The following ADAM10 variants were observed in gnomAD, a reference collection of about 807,000 sequenced individuals.
ADAM10 encodes the protein disintegrin and metalloproteinase domain-containing protein 10.
Under a neutral mutation model 90.1 loss-of-function variants are expected in ADAM10, and 17 were observed. The observed-to-expected ratio is 0.19, with a 90% confidence interval of 0.13 to 0.28. The LOEUF is 0.28. Ranked by LOEUF, ADAM10 falls within the 10% of genes least tolerant of loss-of-function variation. ADAM10 has a pLI of 1.00. For synonymous variants in ADAM10, 310 were observed against 298.6 expected (o/e 1.04, Z -0.40); for missense variants, 610 against 914.3 (o/e 0.67, Z 4.29).
At chr15:58,708,157 T>G (rs1321877251) in intron 2 of ADAM10, among the ~76,000 whole-genome samples, 1 of 152,136 alleles carries the variant, frequency 6.6e-6, no homozygotes, top group Non-Finnish European at 1.5e-5. Context: ...TGTTCAGGTA[T>G]CTAATGTAAA....
chr15:58,693,603 T>G (rs1196488134), intron 2 of ADAM10, among the ~76,000 whole-genome samples: 1 of 152,140 alleles, frequency 6.6e-6, no homozygotes, highest in Non-Finnish European at 1.5e-5. Context: ...AATACAGACT[T>G]ACATGTAAAA....
chr15:58,593,365 C>A lies in ADAM10; in HGVS notation c.*4182G>T, dbSNP rs896868056. 6.6e-6 allele frequency: 1 copy of A among 151,894 alleles called. No homozygotes were observed. The highest frequency in any genetic ancestry group is 1.5e-5 in the Non-Finnish European group (1 of 68,038). The allele number at this position is 151,894 out of a possible 1,614,324, so 9.4% of individuals were successfully genotyped here. A position where few individuals can be genotyped will look rare whatever the true frequency, so the allele number is the denominator to read the frequency against. On this transcript the variant is annotated 3_prime_UTR_variant, in exon 16 of 16. Coordinates refer to ENST00000260408, the MANE Select transcript of ADAM10 (RefSeq NM_001110.4). ...TAGCTGGGATTACAAGCATGTGCCA[C>A]CACGCCCAGCTGTATTTTTAGTAGA...
chr15:58,741,136 G>A (rs1320352734), intron 1 of ADAM10, among the ~76,000 whole-genome samples: 1 of 152,128 alleles, frequency 6.6e-6, no homozygotes, highest in South Asian at 2.1e-4. Flanking sequence ...CGTGTGTCCT[G>A]CCATCATCAA....
chr15:58,746,676 C>T (rs1407622316), intron 1 of ADAM10, among the ~76,000 whole-genome samples: 1 of 152,106 alleles, frequency 6.6e-6, no homozygotes, highest in Non-Finnish European at 1.5e-5. Context: ...TTTGGGAAGC[C>T]AAGGTAGGTG....
At position 58,679,078 on chromosome 15, in the gene ADAM10, C is replaced by T. The variant is rs561641002; in HGVS notation, c.484+46G>A. 2.6e-6 allele frequency: 4 copies of T among 1,550,244 alleles called. No individual in the cohort carries two copies. In the South Asian group the frequency reaches 3.4e-5, roughly 13 times the overall value. On this transcript the variant is annotated intron_variant, in intron 4 of 15. Coordinates refer to ENST00000260408, the MANE Select transcript of ADAM10 (RefSeq NM_001110.4). ...TTTGTCTCCACACAGTTTTAACTAT[C>T]ATATGCCTTTTGAAAAAGGCTACTT...
rs71938417 is a variant in ADAM10 at position 58,713,971 on chromosome 15, ATTGT to A, written c.206+3602_206+3605del. Among the ~76,000 whole-genome samples the A allele has an allele frequency of 5.4e-3, 814 of 151,914 alleles. 8 individuals are homozygous for A. Among genetic ancestry groups the A allele is most frequent in the African/African-American group, 0.018 (739 of 41,418 alleles). ...GGGACTACAGGCGCATGCCCAGCTAATTGTTTGTATTTTTAGTAGAGACGGGGTT... is the reference window on the plus strand; with the variant it reads ...GGGACTACAGGCGCATGCCCAGCTAATTGTATTTTTAGTAGAGACGGGGTT... On this transcript the variant is annotated intron_variant, in intron 2 of 15. Coordinates refer to ENST00000260408, the MANE Select transcript of ADAM10 (RefSeq NM_001110.4).
intron 2 of ADAM10, among the ~76,000 whole-genome samples, chr15:58,684,723 A>G (rs1596065252): frequency 1.3e-5 from 2 of 152,238 alleles, no homozygotes; most frequent in East Asian, 3.8e-4. Context: ...CCAGGTTAAC[A>G]AATTATCTAA....
At chr15:58,695,751 G>T (rs1285303610) in intron 2 of ADAM10, among the ~76,000 whole-genome samples, 3 of 152,150 alleles carry the variant, frequency 2.0e-5, no homozygotes, top group Non-Finnish European at 4.4e-5. Context: ...GGAGGCTGAG[G>T]CGGATAGATA....
chr15:58,644,912 G>A (rs1467548301), intron 6 of ADAM10, among the ~76,000 whole-genome samples: 2 of 152,176 alleles, frequency 1.3e-5, no homozygotes, highest in African/African-American at 4.8e-5. Flanking sequence ...TTCAGATTTT[G>A]CTAAATTCTA....
intron 11 of ADAM10, among the ~76,000 whole-genome samples, chr15:58,614,472 A>G (rs909677292): frequency 2.0e-5 from 3 of 152,232 alleles, no homozygotes; most frequent in African/African-American, 7.2e-5. Context: ...CTATTAGACT[A>G]GCAGCAGATT....
chr15:58,698,591 AGAT>A (rs759091335), intron 2 of ADAM10, among the ~76,000 whole-genome samples: 1 of 145,730 alleles, frequency 6.9e-6, no homozygotes, highest in South Asian at 2.2e-4. Flanking sequence ...AAAAAAAAAA[AGAT>A]AGACAGATAT....
intron 8 of ADAM10, among the ~76,000 whole-genome samples, chr15:58,638,188 G>A (rs1456334137): frequency 4.6e-5 from 7 of 151,952 alleles, no homozygotes; most frequent in Non-Finnish European, 7.4e-5. Context: ...TAATGGAAGC[G>A]GACATCTAAT....
Position 58,679,198 on chromosome 15 carries a change from A to G in ADAM10, c.410T>C (p.Val137Ala). Residue 137 changes from valine (V) to alanine (A), a missense_variant, in exon 4 of 16, where the codon GTT becomes GCT. By Grantham distance (64) the Val-to-Ala change is moderately conservative (BLOSUM62 0). Around this residue, in one of 4 missense-constraint regions of ADAM10, gnomAD observed 310 missense variants for 362.4 expected, o/e 0.86. Coordinates refer to ENST00000260408, the MANE Select transcript of ADAM10 (RefSeq NM_001110.4). ...FIQTRGGTFYVEPAERYIKDR... is the reference protein window; with the variant it reads ...FIQTRGGTFYAEPAERYIKDR... ...TTTAATATATCTCTCTGCTGGCTCA[A>G]CATAAAATGTGCCACCACGAGTCTG... The G allele has an allele frequency of 6.2e-7, 1 of 1,614,088 alleles. No homozygotes were observed. The highest frequency in any genetic ancestry group is 8.5e-7 in the Non-Finnish European group (1 of 1,179,978).
intron 11 of ADAM10, among the ~76,000 whole-genome samples, chr15:58,616,737 G>T (rs1264702337): frequency 6.6e-6 from 1 of 151,948 alleles, no homozygotes; most frequent in Non-Finnish European, 1.5e-5. Context: ...AAGCAAGAAC[G>T]AACCAAACCC....
At chr15:58,652,206 CTT>C (rs1403656537) in intron 5 of ADAM10, among the ~76,000 whole-genome samples, 6 of 152,170 alleles carry the variant, frequency 3.9e-5, no homozygotes, top group African/African-American at 1.4e-4. Flanking sequence ...TGTCTCCCCA[CTT>C]TGTTAATCGT....
At chr15:58,677,721 T>G (rs1156880465) in intron 4 of ADAM10, among the ~76,000 whole-genome samples, 1 of 152,200 alleles carries the variant, frequency 6.6e-6, no homozygotes, top group Non-Finnish European at 1.5e-5. Context: ...AGATTACGCT[T>G]TTCCTCTCCT....
At chr15:58,710,413 T>C (rs1477933747) in intron 2 of ADAM10, among the ~76,000 whole-genome samples, 1 of 152,222 alleles carries the variant, frequency 6.6e-6, no homozygotes, top group Non-Finnish European at 1.5e-5. Flanking sequence ...AAAAATAACA[T>C]GAACACAGAT....
rs1894875709 is a variant in ADAM10, at chr15:58,593,526, C to G, written c.*4021G>C. Reference sequence around the variant, plus strand: ...AGCCCTGCCAGGTACCCAAATCTTACCAGTGCAAACTACACCATTCTGTTG... The same window carrying G: ...AGCCCTGCCAGGTACCCAAATCTTAGCAGTGCAAACTACACCATTCTGTTG... On this transcript the variant is annotated 3_prime_UTR_variant, in exon 16 of 16. Transcript: ENST00000260408. 4 of 152,430 alleles carry G rather than the reference C, an allele frequency of 2.6e-5. No homozygotes were observed. The South Asian group carries it at 8.3e-4, about 32-fold the overall frequency. 9.4% of individuals were successfully genotyped at this position (152,430 alleles called of 1,614,324 possible).
intron 1 of ADAM10, among the ~76,000 whole-genome samples, chr15:58,726,830 G>A (rs970829378): frequency 7.3e-5 from 11 of 150,714 alleles, no homozygotes; most frequent in African/African-American, 2.7e-4. Flanking sequence ...ATTTGTGAAC[G>A]GCCACTGCAT....
Sources: allele counts gnomAD v4.1 joint callset (sites outside exome capture counted in the v4.1 genomes callset), GRCh38; gene constraint gnomAD v4.1.1; regional missense constraint gnomAD v4.1.1; transcripts MANE v1.5; gene names NCBI Gene and HGNC (gene_info 2026-07-23, HGNC 2026-07-21).